The following ARHGEF7 variants were observed in gnomAD, a reference collection of about 807,000 sequenced individuals.
The protein encoded by ARHGEF7 is Rho guanine nucleotide exchange factor 7.
Under a neutral mutation model 109.8 loss-of-function variants are expected in ARHGEF7, and 33 were observed. The observed-to-expected ratio is 0.30, with a 90% CI of 0.23 to 0.40. ARHGEF7 has a LOEUF of 0.40. ARHGEF7 is among the 10% of genes least tolerant of loss of function. The pLI is 1.00. For missense variants in ARHGEF7, 938 were observed against 1,098.5 expected (o/e 0.85, Z 2.07); for synonymous variants, 458 against 424.6 (o/e 1.08, Z -0.97).
chr13:111,188,500 A>G (rs1029285724), intron 2 of ARHGEF7, among the ~76,000 whole-genome samples: 3 of 152,124 alleles, frequency 2.0e-5, no homozygotes, highest in Non-Finnish European at 4.4e-5. Flanking sequence ...CCTTCCTCCT[A>G]CACGGTGCTG....
intron 1 of ARHGEF7, among the ~76,000 whole-genome samples, chr13:111,146,916 T>G (rs188893711): frequency 5.9e-5 from 9 of 152,334 alleles, no homozygotes; most frequent in Admixed American, 3.9e-4. Context: ...AAGGCATACT[T>G]TGAAGGAAAA....
chr13:111,206,972 AAAAGAAAAAG>A (rs1450339483), intron 3 of ARHGEF7, among the ~76,000 whole-genome samples: 2 of 141,988 alleles, frequency 1.4e-5, no homozygotes, highest in East Asian at 2.0e-4. Flanking sequence ...AAAAAAAAAA[AAAAGAAAAAG>A]AAAAAAAAAG....
rs760806277 is a variant in ARHGEF7 at position 111,209,904 on chromosome 13, C to G, written c.370C>G (p.Arg124Gly). Residue 124 changes from arginine to glycine, a missense_variant, in exon 4 of 22, where the codon CGG (arginine) becomes GGG (glycine). Physicochemically the swap from Arg to Gly is moderately radical, Grantham distance 125. This residue lies in a region of ARHGEF7 where 585 missense variants were observed against 723.6 expected (regional missense o/e 0.81). Transcript: ENST00000646102. ...IGLGSDSVCA[R>G]PSSHRIKSFD... ...GCTGGGGAGTGACTCCGTGTGTGCC[C>G]GGCCCTCGTCTCACCGCATAAAGTC... 6.2e-7 allele frequency: 1 copy of G among 1,614,004 alleles called. No individual in the cohort carries two copies. The highest frequency in any genetic ancestry group is 1.3e-5 in the African/African-American group (1 of 74,880).
In ARHGEF7 at chr13:111,273,197, C is replaced by T. The variant is rs778110599; in HGVS notation, c.1074-617C>T. ...ACATTCGCTGTCTGCACACAGGGAC[C>T]CCTTTCTTCCTCACGTATTGTGAGG... On this transcript the variant is annotated intron_variant, in intron 9 of 21. Coordinates refer to ENST00000646102, the MANE Select transcript of ARHGEF7 (RefSeq NM_001354046.2). The surrounding 1 kb of genome is among the most constrained non-coding windows in gnomAD (Gnocchi z 4.5). Among the ~76,000 whole-genome samples the T allele has an allele frequency of 5.3e-5, 8 of 152,166 alleles. No homozygotes were observed. The highest frequency in any genetic ancestry group is 1.2e-4 in the Non-Finnish European group (8 of 68,020).
intron 2 of ARHGEF7, among the ~76,000 whole-genome samples, chr13:111,200,657 C>T (rs891363350): frequency 1.3e-5 from 2 of 152,224 alleles, no homozygotes; most frequent in African/African-American, 4.8e-5. Context: ...CATGTTCTGA[C>T]ATAGCCAAAA....
intron 8 of ARHGEF7, among the ~76,000 whole-genome samples, chr13:111,256,742 A>T (rs2090468092): frequency 6.6e-6 from 1 of 151,922 alleles, no homozygotes; most frequent in African/African-American, 2.4e-5. Context: ...TTGCCGAGCT[A>T]CCTCTTCTGT....
rs542906825 is a variant in ARHGEF7, at chr13:111,221,833, C to T, written c.670+3953C>T. On this transcript the variant is annotated intron_variant, in intron 5 of 21. Transcript: ENST00000646102. ...ATATGTATGTATATGTGTACGTGTA[C>T]GTATATGTGTATATGTATACAAGGT... 5.3e-5 allele frequency among the ~76,000 whole-genome samples: 8 copies of T among 151,602 alleles called. No homozygotes were observed. In the East Asian group the frequency reaches 9.7e-4, roughly 18 times the overall value.
intron 1 of ARHGEF7, among the ~76,000 whole-genome samples, chr13:111,135,881 C>A (rs375248282): frequency 6.6e-6 from 1 of 151,902 alleles, no homozygotes; most frequent in East Asian, 1.9e-4. Flanking sequence ...GCCAGTTTTC[C>A]AAGGGAATGC....
intron 1 of ARHGEF7, among the ~76,000 whole-genome samples, chr13:111,149,488 T>C (rs1174752573): frequency 2.0e-5 from 3 of 152,218 alleles, no homozygotes; most frequent in African/African-American, 7.2e-5. Context: ...ACCTTGATCA[T>C]TGAATTACTG....
At chr13:111,160,333 G>GT (rs2076647760) in intron 2 of ARHGEF7, among the ~76,000 whole-genome samples, 2 of 149,938 alleles carry the variant, frequency 1.3e-5, no homozygotes, top group African/African-American at 2.5e-5. Flanking sequence ...TAGTTATTGG[G>GT]GTTTTTTTTT....
rs1370683440 is a variant in ARHGEF7 at position 111,272,346 on chromosome 13, T to C, written c.1074-1468T>C. Reference sequence around the variant, plus strand: ...TCTTTTCCCCGGGAGCCCTTGATGGTTCTGGTGTCCCCGAGACCTCTGGCA... The same window carrying C: ...TCTTTTCCCCGGGAGCCCTTGATGGCTCTGGTGTCCCCGAGACCTCTGGCA... On this transcript the variant is annotated intron_variant, in intron 9 of 21. Coordinates refer to ENST00000646102, the MANE Select transcript of ARHGEF7 (RefSeq NM_001354046.2). This position sits in a 1 kb window ranked among gnomAD's most constrained non-coding sequence, Gnocchi z 5.2. 6.6e-6 allele frequency among the ~76,000 whole-genome samples: 1 copy of C among 152,122 alleles called. No individual in the cohort carries two copies. The highest frequency in any genetic ancestry group is 1.5e-5 in the Non-Finnish European group (1 of 68,010).
At chr13:111,185,668 G>A (rs1052947877) in intron 2 of ARHGEF7, among the ~76,000 whole-genome samples, 18 of 152,340 alleles carry the variant, frequency 1.2e-4, no homozygotes, top group African/African-American at 3.6e-4. Flanking sequence ...CTCACTTTCT[G>A]GCGACAGCCA....
intron 19 of ARHGEF7, among the ~76,000 whole-genome samples, chr13:111,298,497 C>T (rs1326667120): frequency 6.6e-6 from 1 of 152,164 alleles, no homozygotes; most frequent in Non-Finnish European, 1.5e-5. Context: ...TCTCCCGTGG[C>T]CTCTTGGAGC....
chr13:111,280,867 T>C, intron 15 of ARHGEF7, 190 bp downstream of exon 15: 2 of 626,422 alleles, frequency 3.2e-6, no homozygotes, highest in Non-Finnish European at 5.1e-6. Flanking sequence ...CAATGAGTGT[T>C]CTCGAGAAAC....
chr13:111,151,236 C>G (rs1158350392), intron 1 of ARHGEF7, among the ~76,000 whole-genome samples: 1 of 152,224 alleles, frequency 6.6e-6, no homozygotes, highest in Non-Finnish European at 1.5e-5. Flanking sequence ...TACCATAACC[C>G]TTTAACCCTT....
chr13:111,221,411 AGAT>A (rs1310866664), intron 5 of ARHGEF7, among the ~76,000 whole-genome samples: 1 of 24,406 alleles, frequency 4.1e-5, no homozygotes, highest in Non-Finnish European at 8.5e-5. Flanking sequence ...CTATATATAT[AGAT>A]GTCTATATAT....
intron 1 of ARHGEF7, among the ~76,000 whole-genome samples, chr13:111,125,655 A>T (rs1487803705): frequency 6.6e-6 from 1 of 152,186 alleles, no homozygotes; most frequent in Non-Finnish European, 1.5e-5. Flanking sequence ...ATGGCCAGTG[A>T]TGGCTTTTCT....
At chr13:111,265,106 A>G (rs1289890665) in intron 8 of ARHGEF7, among the ~76,000 whole-genome samples, 1 of 145,418 alleles carries the variant, frequency 6.9e-6, no homozygotes, top group East Asian at 2.1e-4. Flanking sequence ...CCTGGGTAAC[A>G]AGAGAGAAAC....
intron 2 of ARHGEF7, chr13:111,186,762 TGACTGGTGGCAACGCA>T (rs1382459617): frequency 4.1e-6 from 4 of 969,950 alleles, no homozygotes. Context: ...GGAGGCGAGC[TGACTGGTGGCAACGCA>T]GACCACTAAA....
Sources: gnomAD v4.1 joint callset for allele counts (sites outside exome capture counted in the v4.1 genomes callset) on GRCh38, gnomAD v4.1.1 for gene constraint, gnomAD v4.1.1 regional missense constraint, Gnocchi (gnomAD v3.1) non-coding constraint, MANE v1.5 for transcripts, NCBI Gene and HGNC (gene_info 2026-07-23, HGNC 2026-07-21) for gene names.